TBC1D15: variants seen among roughly 807,000 people sequenced by gnomAD.
The protein encoded by TBC1D15 is TBC1 domain family member 15, also known as GAP for RAB7.
A neutral mutation model predicts 95.4 loss-of-function variants in TBC1D15; 39 were observed. That is an observed-to-expected ratio of 0.41 (90% confidence interval 0.32 to 0.53). The LOEUF is 0.53. Among genes scored for constraint, TBC1D15 ranks in the 20% least tolerant of loss-of-function variants. The pLI is 0.29. For missense variants in TBC1D15, 733 were observed against 794.3 expected (o/e 0.92, Z 0.93); for synonymous variants, 258 against 261.3 (o/e 0.99, Z 0.12).
At chr12:71,902,021 T>C (rs543444251) in intron 10 of TBC1D15, among the ~76,000 whole-genome samples, 5 of 152,190 alleles carry the variant, frequency 3.3e-5, no homozygotes, top group African/African-American at 1.2e-4. Flanking sequence ...TACCTAGAAA[T>C]ACAGCTAACC....
chr12:71,915,980 G>A (rs993068590), intron 12 of TBC1D15, among the ~76,000 whole-genome samples: 1 of 152,036 alleles, frequency 6.6e-6, no homozygotes, highest in African/African-American at 2.4e-5. Context: ...TACCTTTGTG[G>A]TGGCTGAACC....
intron 15 of TBC1D15, among the ~76,000 whole-genome samples, chr12:71,921,050 G>A (rs1869101097): frequency 6.6e-6 from 1 of 152,038 alleles, no homozygotes; most frequent in East Asian, 1.9e-4. Context: ...AGGAAGAAAA[G>A]GAAATTCAAC....
At chr12:71,910,277 G>T (rs1393119492) in intron 11 of TBC1D15, among the ~76,000 whole-genome samples, 1 of 151,550 alleles carries the variant, frequency 6.6e-6, no homozygotes, top group East Asian at 1.9e-4. Context: ...TTGTAGTATA[G>T]TTTGAAATCA....
rs940216074 is a variant in TBC1D15 at position 71,918,461 on chromosome 12, C to T, written c.1512C>T (p.Asp504=). 11 of 1,599,528 alleles carry T rather than the reference C, an allele frequency of 6.9e-6. No homozygotes were observed. Among genetic ancestry groups the T allele is most frequent in the Middle Eastern group, 1.7e-4 (1 of 6,030 alleles). ...TTTTCTTCTGCATAGAATCTCAGGA[C>T]TCTGGATACCTTTATTTTTGCTTCA... The part of the protein sequence containing the change: ...SGFCSYLESQ[D]SGYLYFCFRW... Residue 504 remains aspartate (D), a synonymous_variant, in exon 14 of 17, where the codon GAC becomes GAT. Transcript: ENST00000485960.
chr12:71,847,530 A>G (rs1398513412), intron 1 of TBC1D15, among the ~76,000 whole-genome samples: 1 of 151,720 alleles, frequency 6.6e-6, no homozygotes, highest in Admixed American at 6.6e-5. Context: ...CCTTGTCTCT[A>G]CTAAAAATAC....
At chr12:71,899,909 C>T (rs1039831927) in intron 10 of TBC1D15, among the ~76,000 whole-genome samples, 21 of 151,820 alleles carry the variant, frequency 1.4e-4, no homozygotes, top group African/African-American at 3.6e-4. Context: ...CAGTGAGCTG[C>T]GATTGTGCCA....
rs1430666638 is a variant in TBC1D15, at chr12:71,873,023, G to T, written c.204+20G>T. 9 of 1,504,972 alleles carry T rather than the reference G, an allele frequency of 6.0e-6. No homozygotes were observed. The highest frequency in any genetic ancestry group is 8.2e-6 in the Non-Finnish European group (9 of 1,098,136). The allele number at this position is 1,504,972 out of a possible 1,614,324, so 93.2% of individuals were successfully genotyped here. A position where few individuals can be genotyped will look rare whatever the true frequency, so the allele number is the denominator to read the frequency against. ...AGAAAGGTATTTAAGAAAAAAATGT[G>T]TTACTAAGGGAATGCCATTTAAAAA... On this transcript the variant is annotated intron_variant, in intron 3 of 16. Coordinates refer to ENST00000485960, the MANE Select transcript of TBC1D15 (RefSeq NM_001146213.3).
chr12:71,877,582 G>A (rs1005941126), intron 3 of TBC1D15, among the ~76,000 whole-genome samples: 7 of 86,216 alleles, frequency 8.1e-5, no homozygotes, highest in South Asian at 3.4e-4. Flanking sequence ...TCTTTCTTTC[G>A]TATTTATTTA....
chr12:71,894,450 A>G (rs1897794142), intron 6 of TBC1D15: 6 of 1,428,110 alleles, frequency 4.2e-6, no homozygotes, highest in Middle Eastern at 1.8e-4. Flanking sequence ...CTGCAATTCA[A>G]TCAGTAGCAT....
intron 3 of TBC1D15, among the ~76,000 whole-genome samples, chr12:71,873,686 A>G (rs1302430911): frequency 1.3e-5 from 2 of 152,224 alleles, no homozygotes; most frequent in African/African-American, 4.8e-5. Context: ...ATCCAGCAGT[A>G]TATGAGGATT....
chr12:71,877,091 G>A (rs953809923), intron 3 of TBC1D15, among the ~76,000 whole-genome samples: 13 of 151,966 alleles, frequency 8.6e-5, no homozygotes, highest in African/African-American at 2.4e-5. Context: ...AATTACAGAC[G>A]TGAGCCACTG....
intron 1 of TBC1D15, among the ~76,000 whole-genome samples, chr12:71,860,996 G>C (rs1038321747): frequency 1.3e-5 from 2 of 152,090 alleles, no homozygotes; most frequent in African/African-American, 4.8e-5. Context: ...CTAATGATGT[G>C]ATATATCACA....
intron 10 of TBC1D15, among the ~76,000 whole-genome samples, chr12:71,899,575 A>G (rs1417311377): frequency 6.6e-6 from 1 of 152,230 alleles, no homozygotes; most frequent in African/African-American, 2.4e-5. Flanking sequence ...TATTAAAAGC[A>G]AAACTACGCA....
Position 71,920,863 on chromosome 12 carries a change from A to G in TBC1D15, c.1716+16A>G. The G allele has an allele frequency of 6.3e-7, 1 of 1,574,958 alleles. No homozygotes were observed. The highest frequency in any genetic ancestry group is 8.7e-7 in the Non-Finnish European group (1 of 1,150,100). On this transcript the variant is annotated intron_variant, in intron 15 of 16. Coordinates refer to ENST00000485960, the MANE Select transcript of TBC1D15 (RefSeq NM_001146213.3). Reference sequence around the variant, plus strand: ...AATACTTAAGGTAGTTATTCCTTTAATTCAGATTTTAGTGTTCTGGCTTTT... The same window carrying G: ...AATACTTAAGGTAGTTATTCCTTTAGTTCAGATTTTAGTGTTCTGGCTTTT...
chr12:71,882,053 C>G (rs1003189593), intron 4 of TBC1D15, among the ~76,000 whole-genome samples: 5 of 150,412 alleles, frequency 3.3e-5, no homozygotes, highest in East Asian at 1.9e-4. Context: ...ACGAAACTTT[C>G]TTATTTTCTA....
chr12:71,840,198 C>G (rs1205487893), intron 1 of TBC1D15, among the ~76,000 whole-genome samples: 1 of 152,172 alleles, frequency 6.6e-6, no homozygotes, highest in Non-Finnish European at 1.5e-5. Flanking sequence ...AGCGTTAACC[C>G]GACTTGCCTC....
At chr12:71,918,925 C>T (rs1868298297) in intron 14 of TBC1D15, among the ~76,000 whole-genome samples, 1 of 151,534 alleles carries the variant, frequency 6.6e-6, no homozygotes, top group Admixed American at 6.6e-5. Flanking sequence ...TTACCCAAGG[C>T]AACTCTTTAT....
At chr12:71,884,740 C>A in intron 4 of TBC1D15, 71 bp from the exon 5 acceptor site, 4 of 1,433,554 alleles carry the variant, frequency 2.8e-6, no homozygotes, top group Non-Finnish European at 3.9e-6. Flanking sequence ...GTTAGGCAGT[C>A]ATGGAGAGCA....
chr12:71,854,598 A>G, intron 1 of TBC1D15: 1 of 456,718 alleles, frequency 2.2e-6, no homozygotes, highest in South Asian at 1.5e-5. Context: ...GAATTTTAAC[A>G]GATGGTATGT....
Sources: gnomAD v4.1 joint callset for allele counts (sites outside exome capture counted in the v4.1 genomes callset) on GRCh38, gnomAD v4.1.1 for gene constraint, MANE v1.5 for transcripts, NCBI Gene and HGNC (gene_info 2026-07-23, HGNC 2026-07-21) for gene names.